Variants in MACROH2A2 observed in about 807,000 individuals in gnomAD.
MACROH2A2 encodes the protein core histone macro-H2A.2.
A neutral mutation model predicts 37.6 loss-of-function variants in MACROH2A2; 6 were observed. The observed-to-expected ratio is 0.16, with a 90% CI of 0.09 to 0.32. The LOEUF (loss-of-function observed/expected upper bound fraction) is 0.32. MACROH2A2 is among the 10% of genes least tolerant of loss of function. The pLI, the probability that MACROH2A2 is intolerant of heterozygous loss-of-function variation, is 1.00. For synonymous variants in MACROH2A2, 192 were observed against 202.7 expected (o/e 0.95, Z 0.45); for missense variants, 290 against 485.9 (o/e 0.60, Z 3.79).
Position 70,095,651 on chromosome 10 carries a change from C to T in MACROH2A2, c.589-3C>T. ...CATTCACCACCTTTTCTTCCTAATG[C>T]AGCTGTCCTTAACCCAGAGTGACAT... On this transcript the variant is annotated splice_polypyrimidine_tract_variant and splice_region_variant and intron_variant, in intron 5 of 8. Transcript: ENST00000373255. 1 of 1,423,628 alleles carries T rather than the reference C, an allele frequency of 7.0e-7. No homozygotes were observed. The highest frequency in any genetic ancestry group is 9.9e-7 in the Non-Finnish European group (1 of 1,008,534). The allele number at this position is 1,423,628 out of a possible 1,614,324, so 88.2% of individuals were successfully genotyped here.
intron 2 of MACROH2A2, among the ~76,000 whole-genome samples, chr10:70,077,771 C>T (rs189482850): frequency 5.3e-5 from 8 of 152,318 alleles, no homozygotes; most frequent in Non-Finnish European, 1.2e-4. Context: ...GATATACTCT[C>T]AAAGGGTCTG....
Position 70,065,558 on chromosome 10 carries a change from AC to A in MACROH2A2, c.-59-10041del, listed in dbSNP as rs141346144. Among the ~76,000 whole-genome samples the A allele has an allele frequency of 3.9e-4, 59 of 152,342 alleles. 4 individuals carry two copies. The East Asian group carries it at 0.011, about 29-fold the overall frequency. On this transcript the variant is annotated intron_variant, in intron 1 of 8. Transcript: ENST00000373255. ...TAATTAGTTTCAGAGAGATTTGAAG[AC>A]ATGGTGCATTCATTAAAGTACAGGA...
At chr10:70,110,096 C>G (rs1222898013) in intron 8 of MACROH2A2, among the ~76,000 whole-genome samples, 1 of 152,170 alleles carries the variant, frequency 6.6e-6, no homozygotes, top group Non-Finnish European at 1.5e-5. Flanking sequence ...CCCAGAGATG[C>G]TGTGAGATGC....
intron 1 of MACROH2A2, among the ~76,000 whole-genome samples, chr10:70,073,612 T>A (rs1365235555): frequency 1.3e-5 from 2 of 152,190 alleles, no homozygotes; most frequent in Non-Finnish European, 2.9e-5. Context: ...TATACTAAAA[T>A]GCCCCAAACT....
chr10:70,104,239 A>G (rs978097896), intron 7 of MACROH2A2, among the ~76,000 whole-genome samples: 2 of 152,216 alleles, frequency 1.3e-5, no homozygotes, highest in South Asian at 4.1e-4. Flanking sequence ...TCCAAAATAA[A>G]GTGTCTAATA....
intron 2 of MACROH2A2, among the ~76,000 whole-genome samples, chr10:70,082,109 A>G (rs777281754): frequency 6.6e-6 from 1 of 152,212 alleles, no homozygotes; most frequent in Non-Finnish European, 1.5e-5. Flanking sequence ...TCCTAGCCAT[A>G]TACCTAAGAG....
At chr10:70,087,116 A>G (rs755496428) in intron 2 of MACROH2A2, among the ~76,000 whole-genome samples, 1 of 152,128 alleles carries the variant, frequency 6.6e-6, no homozygotes, top group Non-Finnish European at 1.5e-5. Flanking sequence ...ACTTGAGTCC[A>G]GGAGGTTAAG....
At chr10:70,071,191 A>G (rs754945722) in intron 1 of MACROH2A2, among the ~76,000 whole-genome samples, 20 of 152,178 alleles carry the variant, frequency 1.3e-4, no homozygotes, top group Non-Finnish European at 2.9e-4. Context: ...AAGACCAGCC[A>G]GCACACACCA....
rs754654975 is a variant in MACROH2A2, at chr10:70,107,478, C to T, written c.779-1555C>T. 2.6e-5 allele frequency among the ~76,000 whole-genome samples: 4 copies of T among 152,172 alleles called. No individual in the cohort carries two copies. The highest frequency in any genetic ancestry group is 2.1e-4 in the South Asian group (1 of 4,830). On this transcript the variant is annotated intron_variant, in intron 7 of 8. Coordinates refer to ENST00000373255, the MANE Select transcript of MACROH2A2 (RefSeq NM_018649.3). The surrounding 1 kb of genome is among the most constrained non-coding windows in gnomAD (Gnocchi z 4.4). ...CCTGGGTTCCTGGAGGGGCACAGGG[C>T]GCAGACGGGCAGCGTGGGGGCAAGC...
intron 6 of MACROH2A2, among the ~76,000 whole-genome samples, chr10:70,097,568 T>C (rs2072283012): frequency 6.6e-6 from 1 of 152,210 alleles, no homozygotes; most frequent in South Asian, 2.1e-4. Context: ...CAGAAAAGTA[T>C]AATGAAACCC....
chr10:70,059,167 G>A (rs1056835640), intron 1 of MACROH2A2, among the ~76,000 whole-genome samples: 1 of 152,062 alleles, frequency 6.6e-6, no homozygotes, highest in Non-Finnish European at 1.5e-5. Flanking sequence ...GGGCTCAGAG[G>A]GAGTCTGTTT....
In MACROH2A2 at chr10:70,092,779, C is replaced by CT. The variant is rs200596564; in HGVS notation, c.477+826dup. Among the ~76,000 whole-genome samples, 19 of 152,264 alleles carry CT rather than the reference C, an allele frequency of 1.2e-4. No homozygotes were observed. In the East Asian group the frequency reaches 3.5e-3, roughly 28 times the overall value. On this transcript the variant is annotated intron_variant, in intron 4 of 8. Coordinates refer to ENST00000373255, the MANE Select transcript of MACROH2A2 (RefSeq NM_018649.3). ...GAAGTGAGCGATGATAGCCAGGAAC[C>CT]TGCATTTTATTTCTCTGCAGAGCTC...
Position 70,091,853 on chromosome 10 carries a change from A to G in MACROH2A2, c.376A>G (p.Thr126Ala), listed in dbSNP as rs368529179. The G allele has an allele frequency of 1.2e-5, 19 of 1,613,970 alleles. No homozygotes were observed. The highest frequency in any genetic ancestry group is 1.4e-5 in the Non-Finnish European group (17 of 1,180,006). Residue 126 changes from threonine (T) to alanine (A), a missense_variant, in exon 4 of 9, where the codon ACG becomes GCG. By Grantham distance (58) the Thr-to-Ala change is moderately conservative (BLOSUM62 0). Around this residue, in one of 3 missense-constraint regions of MACROH2A2, gnomAD observed 77 missense variants for 68.9 expected, o/e 1.12. Coordinates refer to ENST00000373255, the MANE Select transcript of MACROH2A2 (RefSeq NM_018649.3). ...GCGAGGGACCAAAGGCAAGTCGGAA[A>G]CGATCCTCTCCCCACCCCCAGAGAA... ...KKRGTKGKSE[T>A]ILSPPPEKRG...
At position 70,053,418 on chromosome 10, in the gene MACROH2A2, G is replaced by A. The variant is rs944001905; in HGVS notation, c.-60+418G>A. On this transcript the variant is annotated intron_variant, in intron 1 of 8. Coordinates refer to ENST00000373255, the MANE Select transcript of MACROH2A2 (RefSeq NM_018649.3). This position sits in a 1 kb window ranked among gnomAD's most constrained non-coding sequence, Gnocchi z 4.8. ...GCGCCCGGCCGCCGATGGGCACGGG[G>A]CGATGGGTGGGGGGCTGCGCAGGGC... 2.6e-5 allele frequency among the ~76,000 whole-genome samples: 4 copies of A among 151,936 alleles called. No individual in the cohort carries two copies. Among genetic ancestry groups the A allele is most frequent in the Admixed American group, 6.5e-5 (1 of 15,278 alleles).
chr10:70,093,042 C>G (rs1189532401), intron 4 of MACROH2A2, among the ~76,000 whole-genome samples: 1 of 151,766 alleles, frequency 6.6e-6, no homozygotes, highest in African/African-American at 2.4e-5. Flanking sequence ...CACTCTGTCA[C>G]CCAGGCTGGA....
intron 6 of MACROH2A2, among the ~76,000 whole-genome samples, chr10:70,097,089 C>T (rs2072280736): frequency 6.6e-6 from 1 of 152,090 alleles, no homozygotes; most frequent in African/African-American, 2.4e-5. Context: ...GTAGAAAGAG[C>T]ACTGGTCTGG....
intron 1 of MACROH2A2, among the ~76,000 whole-genome samples, chr10:70,062,484 A>T (rs1462882692): frequency 2.6e-5 from 4 of 152,222 alleles, no homozygotes; most frequent in South Asian, 4.1e-4. Flanking sequence ...AGTTTTTTTT[A>T]AATTTCAATT....
chr10:70,071,166 T>C (rs1040015608), intron 1 of MACROH2A2, among the ~76,000 whole-genome samples: 71 of 152,074 alleles, frequency 4.7e-4, no homozygotes, highest in African/African-American at 1.7e-3. Flanking sequence ...GGTGGAAGCA[T>C]GGTAGGGAGA....
chr10:70,109,096 G>A lies in MACROH2A2; in HGVS notation c.842G>A (p.Trp281Ter). 6.2e-7 allele frequency: 1 copy of A among 1,614,046 alleles called. No individual in the cohort carries two copies. ...GTCATCCACTGTCACATCCCTCAGT[G>A]GGGCTCCGACAAATGTGAAGAACAG... is the stretch of plus-strand genomic sequence containing the variant. ...KFVIHCHIPQ[W>*]GSDKCEEQLE... Residue 281 changes from tryptophan to a stop codon, truncating the protein, a stop_gained, in exon 8 of 9, where the codon TGG (tryptophan) becomes TAG (stop). Coordinates refer to ENST00000373255, the MANE Select transcript of MACROH2A2 (RefSeq NM_018649.3). LOFTEE classifies it high-confidence loss of function.
Sources: gnomAD v4.1 joint callset for allele counts (sites outside exome capture counted in the v4.1 genomes callset) on GRCh38, gnomAD v4.1.1 for gene constraint, gnomAD v4.1.1 regional missense constraint, Gnocchi (gnomAD v3.1) non-coding constraint, MANE v1.5 for transcripts, NCBI Gene and HGNC (gene_info 2026-07-23, HGNC 2026-07-21) for gene names.